Variants in RARB observed in about 807,000 individuals in gnomAD.
RARB encodes the protein retinoic acid receptor beta, also known as HBV-activated protein.
A neutral mutation model predicts 51.9 loss-of-function variants in RARB; 17 were observed. The ratio of observed to expected loss-of-function variants is 0.33; its 90% CI spans 0.22 to 0.49. The LOEUF (loss-of-function observed/expected upper bound fraction) is 0.49, where lower values mean the gene tolerates loss of function less well. Ranked by LOEUF, RARB falls within the 20% of genes least tolerant of loss-of-function variation. The pLI, the probability that RARB is intolerant of heterozygous loss-of-function variation, is 0.99. For missense variants in RARB, 369 were observed against 550.8 expected, an observed-to-expected ratio of 0.67 and a Z score of 3.30; for synonymous variants, 215 against 195.4, an observed-to-expected ratio of 1.10 and a Z score of -0.84.
chr3:24,905,597 G>A (rs983652047), intron 2 of RARB, among the ~76,000 whole-genome samples: 2 of 152,212 alleles, frequency 1.3e-5, no homozygotes, highest in South Asian at 2.1e-4. Context: ...AAAAGGAAAA[G>A]GATAGTTTGA....
chr3:25,393,697 G>C (rs185290440), intron 5 of RARB, among the ~76,000 whole-genome samples: 2 of 151,912 alleles, frequency 1.3e-5, no homozygotes, highest in East Asian at 3.8e-4. Flanking sequence ...GTTTGTGCAC[G>C]TGAAGGTGTT....
chr3:25,040,885 C>G (rs1249714915), intron 2 of RARB, among the ~76,000 whole-genome samples: 1 of 152,168 alleles, frequency 6.6e-6, no homozygotes, highest in East Asian at 1.9e-4. Flanking sequence ...TAAGGTCTGT[C>G]TCGAGTCCTA....
intron 4 of RARB, among the ~76,000 whole-genome samples, chr3:25,159,260 C>T (rs1469357477): frequency 6.7e-6 from 1 of 150,364 alleles, no homozygotes; most frequent in African/African-American, 2.4e-5. Flanking sequence ...ACCTCCCCCT[C>T]CCCGGTTCAA....
intron 5 of RARB, among the ~76,000 whole-genome samples, chr3:25,313,412 A>G (rs982670749): frequency 1.3e-5 from 2 of 152,172 alleles, no homozygotes; most frequent in Non-Finnish European, 2.9e-5. Context: ...TGGTGGCTTG[A>G]ACTGTAATGC....
At chr3:25,524,761 G>A (rs375887368) in intron 3 of RARB, among the ~76,000 whole-genome samples, 28 of 149,444 alleles carry the variant, frequency 1.9e-4, no homozygotes, top group East Asian at 4.0e-4. Flanking sequence ...ATACAGTCTC[G>A]CTTTGTCACC....
intron 5 of RARB, among the ~76,000 whole-genome samples, chr3:25,285,884 C>T (rs1319644281): frequency 6.6e-6 from 1 of 151,918 alleles, no homozygotes; most frequent in East Asian, 2.0e-4. Flanking sequence ...GTTGGTGTAA[C>T]CACCAATATA....
intron 3 of RARB, among the ~76,000 whole-genome samples, chr3:25,567,173 C>T (rs141429168): frequency 2.4e-4 from 36 of 152,298 alleles, no homozygotes; most frequent in African/African-American, 7.9e-4. Context: ...GCATAACATT[C>T]ATCATTTTAA....
chr3:25,330,544 C>G (rs962027771), intron 5 of RARB, among the ~76,000 whole-genome samples: 2 of 152,164 alleles, frequency 1.3e-5, no homozygotes, highest in Admixed American at 6.6e-5. Context: ...CAACCAGTAC[C>G]AGCCACTAAA....
chr3:25,364,512 A>G (rs1330406844), intron 5 of RARB, among the ~76,000 whole-genome samples: 3 of 152,190 alleles, frequency 2.0e-5, no homozygotes, highest in Non-Finnish European at 4.4e-5. Context: ...AAGATTAAGA[A>G]CCTATGTCCT....
chr3:25,154,258 G>A (rs879361067), intron 4 of RARB, among the ~76,000 whole-genome samples: 2 of 152,108 alleles, frequency 1.3e-5, no homozygotes, highest in African/African-American at 2.4e-5. Context: ...CCAAAACTAC[G>A]TTCATCCTTT....
At chr3:25,099,615 T>TAA (rs10540610) in intron 3 of RARB, among the ~76,000 whole-genome samples, 1 of 142,546 alleles carries the variant, frequency 7.0e-6, no homozygotes, top group Non-Finnish European at 1.5e-5. Context: ...TTTCAGGATT[T>TAA]AAAAAAAAAA....
intron 2 of RARB, among the ~76,000 whole-genome samples, chr3:25,048,126 T>C (rs140318022): frequency 1.1e-4 from 16 of 152,358 alleles, no homozygotes; most frequent in African/African-American, 3.4e-4. Context: ...TAAACCTCTT[T>C]TTTATGTAAA....
At chr3:25,283,240 T>A (rs1030078256) in intron 5 of RARB, among the ~76,000 whole-genome samples, 5 of 152,188 alleles carry the variant, frequency 3.3e-5, no homozygotes, top group African/African-American at 1.2e-4. Flanking sequence ...CTTAGAATGA[T>A]GGCAATGACC....
chr3:25,352,224 C>T (rs1024006639), intron 5 of RARB: 5 of 152,252 alleles, frequency 3.3e-5, no homozygotes, highest in African/African-American at 1.2e-4. Flanking sequence ...TCTCTCTCTT[C>T]ACCTGAATCC....
intron 5 of RARB, among the ~76,000 whole-genome samples, chr3:25,209,183 G>A (rs566867965): frequency 2.0e-5 from 3 of 152,276 alleles, no homozygotes; most frequent in South Asian, 4.1e-4. Flanking sequence ...TTGACCCTTC[G>A]TCGGTCAGTT....
intron 4 of RARB, among the ~76,000 whole-genome samples, chr3:25,161,926 T>G (rs997166001): frequency 6.6e-6 from 1 of 152,038 alleles, no homozygotes; most frequent in East Asian, 1.9e-4. Context: ...ATGGTACCCA[T>G]AGAAAGGCTA....
chr3:25,348,621 C>T (rs928571487), intron 5 of RARB, among the ~76,000 whole-genome samples: 1 of 152,140 alleles, frequency 6.6e-6, no homozygotes. Context: ...GTGGAAATTG[C>T]ACATGACACA....
At chr3:25,329,644 A>C (rs1416846581) in intron 5 of RARB, among the ~76,000 whole-genome samples, 1 of 152,200 alleles carries the variant, frequency 6.6e-6, no homozygotes, top group Non-Finnish European at 1.5e-5. Context: ...CAATGGAACA[A>C]AGCTGGATGG....
rs376062806 is a variant in RARB, at chr3:25,589,420, G to A, written c.787-4083G>A. On this transcript the variant is annotated intron_variant, in intron 5 of 7. Transcript: ENST00000330688. ...TTCTGAAGGTGACTAGAAGCCATTTGAGGAGTTTTCTCCTCTGATGAACAT... is the reference window on the plus strand; with the variant it reads ...TTCTGAAGGTGACTAGAAGCCATTTAAGGAGTTTTCTCCTCTGATGAACAT... 7.9e-5 allele frequency among the ~76,000 whole-genome samples: 12 copies of A among 152,346 alleles called. No homozygotes were observed. In the South Asian group the frequency reaches 2.1e-3, roughly 26 times the overall value.
Sources: gnomAD v4.1 joint callset for allele counts (sites outside exome capture counted in the v4.1 genomes callset) on GRCh38, gnomAD v4.1.1 for gene constraint, MANE v1.5 for transcripts, NCBI Gene and HGNC (gene_info 2026-07-23, HGNC 2026-07-21) for gene names.